The following QRICH1 variants were observed in gnomAD, a reference collection of about 807,000 sequenced individuals.
QRICH1 encodes the protein glutamine rich 1, also known as transcriptional regulator QRICH1.
QRICH1 carries 16 observed loss-of-function variants against 87.1 expected under a neutral mutation model. The observed-to-expected ratio is 0.18, with a 90% confidence interval of 0.12 to 0.28. QRICH1 has a LOEUF of 0.28. QRICH1 is among the 10% of genes least tolerant of loss of function. QRICH1 has a pLI of 1.00. For missense variants in QRICH1, 647 were observed against 951.7 expected (o/e 0.68, Z 4.21); for synonymous variants, 367 against 368.4 (o/e 1.00, Z 0.05).
chr3:49,068,767 C>T (rs1401331953), intron 2 of QRICH1, among the ~76,000 whole-genome samples: 3 of 150,946 alleles, frequency 2.0e-5, no homozygotes, highest in Non-Finnish European at 4.4e-5. Context: ...TAGCTGGGAT[C>T]ACAGTCATGC....
Position 49,047,479 on chromosome 3 carries a change from G to GTT in QRICH1, c.1339-235_1339-234dup, listed in dbSNP as rs397724825. ...CTCAGCCTTGGCTGCACTTTTAAAT[G>GTT]TTTTTTTTTTTTTTTTTTTTTGAGA... On this transcript the variant is annotated intron_variant, in intron 3 of 9. Transcript: ENST00000395443. Among the ~76,000 whole-genome samples, 721 of 108,792 alleles carry GTT rather than the reference G, an allele frequency of 6.6e-3. 4 individuals carry two copies. Among genetic ancestry groups the GTT allele is most frequent in the Middle Eastern group, 0.014 (3 of 214 alleles). 71.4% of individuals were successfully genotyped at this position (108,792 alleles called of 152,430 possible). A position where few individuals can be genotyped will look rare whatever the true frequency, so the allele number is the denominator to read the frequency against.
At chr3:49,050,694 A>AAAC (rs138950270) in intron 3 of QRICH1, among the ~76,000 whole-genome samples, 31 of 150,568 alleles carry the variant, frequency 2.1e-4, no homozygotes, top group Admixed American at 2.7e-4. Context: ...GGATCACAAA[A>AAAC]AACAACAACA....
At chr3:49,091,625 T>A (rs538543149) in intron 1 of QRICH1, among the ~76,000 whole-genome samples, 1 of 152,180 alleles carries the variant, frequency 6.6e-6, no homozygotes, top group Non-Finnish European at 1.5e-5. Context: ...ATAGGAAAAA[T>A]TCATCAGAGA....
chr3:49,060,473 G>A (rs1025815627), intron 2 of QRICH1, among the ~76,000 whole-genome samples: 5 of 152,200 alleles, frequency 3.3e-5, no homozygotes, highest in Admixed American at 3.3e-4. Flanking sequence ...GATTACAGGT[G>A]TGAGCCACCA....
chr3:49,030,542 T>G lies in QRICH1; in HGVS notation c.2241A>C (p.Arg747Ser), dbSNP rs1351676474. The change falls in exon 10 of 10, where the codon AGA (arginine) becomes AGC (serine). Residue 747 changes from arginine to serine, a missense_variant. By Grantham distance (110) the Arg-to-Ser change is moderately radical. Coordinates refer to ENST00000395443, the MANE Select transcript of QRICH1 (RefSeq NM_198880.3). ...GCGTCAGCATTTGTCCCATCTGCTC[T>G]CTGCTGATAGGCTGGACTGAGTACC... Reference protein sequence around the residue: ...PIWYSVQPISREQMGQMLTRI... With the variant: ...PIWYSVQPISSEQMGQMLTRI... 6.2e-7 allele frequency: 1 copy of G among 1,614,060 alleles called. No individual in the cohort carries two copies. Among genetic ancestry groups the G allele is most frequent in the Non-Finnish European group, 8.5e-7 (1 of 1,179,950 alleles).
intron 5 of QRICH1, among the ~76,000 whole-genome samples, chr3:49,044,728 C>T (rs1318875748): frequency 6.6e-6 from 1 of 152,088 alleles, no homozygotes; most frequent in African/African-American, 2.4e-5. Context: ...GTTGTGAATG[C>T]TATTTCACCC....
At chr3:49,059,162 T>C (rs940618936) in intron 2 of QRICH1, among the ~76,000 whole-genome samples, 9 of 151,022 alleles carry the variant, frequency 6.0e-5, no homozygotes, top group African/African-American at 2.2e-4. Context: ...AGATGGAATT[T>C]CACCATGTTA....
intron 2 of QRICH1, among the ~76,000 whole-genome samples, chr3:49,059,574 C>T (rs1336313331): frequency 1.3e-5 from 2 of 151,218 alleles, no homozygotes; most frequent in Admixed American, 1.3e-4. Flanking sequence ...CGCATGCCAC[C>T]ACCCCCAGCT....
chr3:49,041,198 G>A (rs773014817), intron 6 of QRICH1, among the ~76,000 whole-genome samples: 25 of 151,978 alleles, frequency 1.6e-4, no homozygotes, highest in Non-Finnish European at 2.8e-4. Context: ...TTGAACTCCC[G>A]ACCTCAAGTG....
At chr3:49,073,786 A>G (rs891457202) in intron 2 of QRICH1, among the ~76,000 whole-genome samples, 1 of 151,644 alleles carries the variant, frequency 6.6e-6, no homozygotes, top group African/African-American at 2.4e-5. Context: ...AGCTAAGACC[A>G]TAGGCGTGCA....
chr3:49,061,276 T>G (rs576175999), intron 2 of QRICH1, among the ~76,000 whole-genome samples: 5 of 151,818 alleles, frequency 3.3e-5, no homozygotes, highest in African/African-American at 9.7e-5. Context: ...GCAAAAAACG[T>G]TGGGGACCAC....
intron 3 of QRICH1, among the ~76,000 whole-genome samples, chr3:49,053,731 T>C (rs1355847456): frequency 1.3e-5 from 2 of 152,084 alleles, no homozygotes; most frequent in Admixed American, 6.6e-5. Flanking sequence ...CAGATGGCGG[T>C]TGGTGTGAGG....
At chr3:49,068,050 T>C (rs1261005514) in intron 2 of QRICH1, among the ~76,000 whole-genome samples, 1 of 152,170 alleles carries the variant, frequency 6.6e-6, no homozygotes, top group African/African-American at 2.4e-5. Flanking sequence ...AAGTATTACA[T>C]TTTACTTGAA....
chr3:49,031,669 G>A (rs927463371), intron 9 of QRICH1, among the ~76,000 whole-genome samples: 1 of 152,200 alleles, frequency 6.6e-6, no homozygotes, highest in African/African-American at 2.4e-5. Flanking sequence ...AAGTTGAGAA[G>A]AGGCATAATA....
In QRICH1 at chr3:49,032,695, G is replaced by A; in HGVS notation, c.1974C>T (p.Pro658=). The change falls in exon 8 of 10, where the codon CCC becomes CCT. Residue 658 remains proline, a synonymous_variant. Transcript: ENST00000395443. The stretch of plus-strand genomic sequence containing the variant: ...TCGTGCTTTTATCCTTGGGATTAGA[G>A]GGGTTCTTCTTTGTCTGTCGCAAGA... The part of the protein sequence containing the change: ...SKVLRQTKKN[P]SNPKDKSTSI... 5 of 1,613,234 alleles carry A rather than the reference G, an allele frequency of 3.1e-6. No homozygotes were observed. The highest frequency in any genetic ancestry group is 4.2e-6 in the Non-Finnish European group (5 of 1,179,636).
At chr3:49,090,911 C>A (rs981968419) in intron 1 of QRICH1, among the ~76,000 whole-genome samples, 9 of 152,108 alleles carry the variant, frequency 5.9e-5, no homozygotes, top group African/African-American at 2.2e-4. Context: ...AAATGCAGTA[C>A]AACAGAATAA....
At chr3:49,038,796 GCAGGTGGATCACCTGAGGTTAGAGGTT>G (rs2106833656) in intron 6 of QRICH1, among the ~76,000 whole-genome samples, 1 of 152,312 alleles carries the variant, frequency 6.6e-6, no homozygotes, top group South Asian at 2.1e-4. Context: ...GGAGGTTGAG[GCAGGTGGATCACCTGAGGTTAGAGGTT>G]CAAGACAAGC....
chr3:49,062,994 C>T (rs1043098498), intron 2 of QRICH1, among the ~76,000 whole-genome samples: 24 of 150,622 alleles, frequency 1.6e-4, no homozygotes, highest in Admixed American at 2.6e-4. Context: ...AACGAGACTC[C>T]GTCTCAAAAA....
At chr3:49,043,931 G>C (rs996678292) in intron 6 of QRICH1, among the ~76,000 whole-genome samples, 28 of 152,186 alleles carry the variant, frequency 1.8e-4, no homozygotes, top group African/African-American at 6.5e-4. Flanking sequence ...CTTGAGTTCA[G>C]GAGTTTGAGG....
Sources: allele counts gnomAD v4.1 joint callset (sites outside exome capture counted in the v4.1 genomes callset), GRCh38; gene constraint gnomAD v4.1.1; transcripts MANE v1.5; gene names NCBI Gene and HGNC (gene_info 2026-07-23, HGNC 2026-07-21).